The following ITPKC variants were observed in gnomAD, a reference collection of about 807,000 sequenced individuals.
The protein encoded by ITPKC is inositol-trisphosphate 3-kinase C.
Under a neutral mutation model 67.1 loss-of-function variants are expected in ITPKC, and 33 were observed. That is an observed-to-expected ratio of 0.49 (90% confidence interval 0.37 to 0.66). ITPKC has a LOEUF of 0.66. Ranked by LOEUF, ITPKC falls within the 30% of genes least tolerant of loss-of-function variation. The pLI is 0.00. For missense variants in ITPKC, 820 were observed against 892.1 expected (o/e 0.92, Z 1.03); for synonymous variants, 341 against 359.8 (o/e 0.95, Z 0.59).
intron 6 of ITPKC, among the ~76,000 whole-genome samples, chr19:40,738,999 C>T (rs2082308965): frequency 6.6e-6 from 1 of 152,208 alleles, no homozygotes; most frequent in Non-Finnish European, 1.5e-5. Context: ...CACGAGATTT[C>T]ATCACAGTAG....
chr19:40,734,200 T>A (rs1340742419), intron 4 of ITPKC, among the ~76,000 whole-genome samples: 2 of 152,206 alleles, frequency 1.3e-5, no homozygotes, highest in African/African-American at 2.4e-5. Flanking sequence ...GAAAGCTTCC[T>A]CTTTCTGTTT....
chr19:40,728,087 T>C (rs537514689), intron 2 of ITPKC, among the ~76,000 whole-genome samples: 1 of 152,154 alleles, frequency 6.6e-6, no homozygotes, highest in South Asian at 2.1e-4. Context: ...GTAGCCAACT[T>C]TGGAAAATGT....
At chr19:40,738,975 A>C (rs2082308683) in intron 6 of ITPKC, among the ~76,000 whole-genome samples, 1 of 152,182 alleles carries the variant, frequency 6.6e-6, no homozygotes, top group Non-Finnish European at 1.5e-5. Flanking sequence ...CCCAGGTGGG[A>C]CGAAGCGGGA....
At chr19:40,721,714 A>G (rs540407821) in intron 1 of ITPKC, among the ~76,000 whole-genome samples, 1 of 151,706 alleles carries the variant, frequency 6.6e-6, no homozygotes, top group South Asian at 2.1e-4. Flanking sequence ...GTTTATGATT[A>G]AGGGGCCAGG....
intron 4 of ITPKC, among the ~76,000 whole-genome samples, chr19:40,736,069 A>C (rs1325113312): frequency 6.6e-6 from 1 of 152,140 alleles, no homozygotes; most frequent in African/African-American, 2.4e-5. Context: ...AGGCGGGCGG[A>C]GCATGAGGTC....
intron 4 of ITPKC, among the ~76,000 whole-genome samples, chr19:40,736,611 T>C (rs1599656353): frequency 6.6e-6 from 1 of 152,092 alleles, no homozygotes; most frequent in African/African-American, 2.4e-5. Flanking sequence ...TTAAGCGATT[T>C]TCCTGCCTCA....
Position 40,717,269 on chromosome 19 carries a change from G to C in ITPKC, c.134G>C (p.Gly45Ala). The C allele has an allele frequency of 7.0e-7, 1 of 1,420,610 alleles. No homozygotes were observed. Among genetic ancestry groups the C allele is most frequent in the Non-Finnish European group, 9.1e-7 (1 of 1,093,346 alleles). 88.0% of individuals were successfully genotyped at this position (1,420,610 alleles called of 1,614,324 possible). A position where few individuals can be genotyped will look rare whatever the true frequency, so the allele number is the denominator to read the frequency against. Reference protein sequence around the residue: ...RQPGQQRPGPGAGAPAGRPEG... With the variant: ...RQPGQQRPGPAAGAPAGRPEG... The stretch of plus-strand genomic sequence containing the variant: ...CCGGGACAGCAGCGACCTGGGCCCG[G>C]CGCAGGGGCCCCGGCGGGGCGGCCG... Residue 45 changes from glycine (G) to alanine (A), a missense_variant, in exon 1 of 7, where the codon GGC becomes GCC. By Grantham distance (60) the Gly-to-Ala change is moderately conservative. Around this residue, in one of 2 missense-constraint regions of ITPKC, gnomAD observed 481 missense variants for 470.1 expected, o/e 1.02. Coordinates refer to ENST00000263370, the MANE Select transcript of ITPKC (RefSeq NM_025194.3).
chr19:40,739,609 G>A lies in ITPKC; in HGVS notation c.*49G>A, dbSNP rs911747765. The stretch of plus-strand genomic sequence containing the variant: ...ATTGGATGGCGCCAGTCTGGCTGGA[G>A]GAGCCCTGAGATGCCATGGGAGGCC... On this transcript the variant is annotated 3_prime_UTR_variant, in exon 7 of 7. Transcript: ENST00000263370. 6.5e-7 allele frequency: 1 copy of A among 1,540,234 alleles called. No homozygotes were observed. The highest frequency in any genetic ancestry group is 8.8e-7 in the Non-Finnish European group (1 of 1,131,990).
chr19:40,737,729 G>T lies in ITPKC; in HGVS notation c.1808G>T (p.Arg603Leu), dbSNP rs143402835. The T allele has an allele frequency of 6.2e-7, 1 of 1,614,150 alleles. No individual in the cohort carries two copies. The highest frequency in any genetic ancestry group is 2.2e-5 in the East Asian group (1 of 44,884). ...QKYVACLEEL[R>L]EALEISPFFK... ...TACGTGGCATGCCTAGAAGAACTTC[G>T]TGAAGCTCTGGAGATCTCCCCCTTC... Residue 603 changes from arginine to leucine, a missense_variant, in exon 6 of 7, where the codon CGT becomes CTT. Arg to Leu is a moderately radical substitution (Grantham distance 102, BLOSUM62 -2). Coordinates refer to ENST00000263370, the MANE Select transcript of ITPKC (RefSeq NM_025194.3).
At chr19:40,739,328 C>A (rs2082311853) in intron 6 of ITPKC, 29 bp from the exon 7 acceptor site, 1 of 1,588,844 alleles carries the variant, frequency 6.3e-7, no homozygotes, top group Non-Finnish European at 8.6e-7. Context: ...GCCTGCTCCT[C>A]CCTTAACCTC....
chr19:40,720,598 G>T (rs1279998560), intron 1 of ITPKC, among the ~76,000 whole-genome samples: 1 of 151,824 alleles, frequency 6.6e-6, no homozygotes, highest in Non-Finnish European at 1.5e-5. Context: ...CTGCCTCCAT[G>T]GCCCAGCTTT....
Position 40,729,058 on chromosome 19 carries a change from A to T in ITPKC, c.1256-144A>T, listed in dbSNP as rs1051281206. ...AATAAAATAAAATCTTAAAATCATT[A>T]AAAAAAAAGTTGCAGGGAGAGAAAG... On this transcript the variant is annotated intron_variant, in intron 2 of 6. Coordinates refer to ENST00000263370, the MANE Select transcript of ITPKC (RefSeq NM_025194.3). 8 of 571,654 alleles carry T rather than the reference A, an allele frequency of 1.4e-5. No individual in the cohort carries two copies. The East Asian group carries it at 1.6e-4, about 11-fold the overall frequency. The allele number at this position is 571,654 out of a possible 1,614,324, so 35.4% of individuals were successfully genotyped here.
intron 1 of ITPKC, among the ~76,000 whole-genome samples, chr19:40,718,530 C>T (rs1329254851): frequency 6.6e-6 from 1 of 152,110 alleles, no homozygotes; most frequent in African/African-American, 2.4e-5. Context: ...TGGGGGTCTA[C>T]AATGGAGGGC....
chr19:40,721,065 A>C (rs530404813), intron 1 of ITPKC, among the ~76,000 whole-genome samples: 8 of 151,488 alleles, frequency 5.3e-5, no homozygotes, highest in African/African-American at 1.9e-4. Flanking sequence ...GTGCTATCCT[A>C]TTCTTCTAAT....
At chr19:40,732,859 C>G (rs752180380) in intron 3 of ITPKC, among the ~76,000 whole-genome samples, 1 of 152,204 alleles carries the variant, frequency 6.6e-6, no homozygotes, top group African/African-American at 2.4e-5. Context: ...ATATTTAGAC[C>G]TACATTCCAG....
chr19:40,719,545 A>G (rs2082211651), intron 1 of ITPKC, among the ~76,000 whole-genome samples: 1 of 151,100 alleles, frequency 6.6e-6, no homozygotes. Context: ...GCTGGAGTGC[A>G]GTGGTGCCAT....
At chr19:40,721,365 T>A (rs1482930572) in intron 1 of ITPKC, among the ~76,000 whole-genome samples, 1 of 151,048 alleles carries the variant, frequency 6.6e-6, no homozygotes, top group East Asian at 1.9e-4. Context: ...GATCTAACTT[T>A]TTTTTTTTTT....
At chr19:40,730,543 C>T (rs1188102452) in intron 3 of ITPKC, among the ~76,000 whole-genome samples, 1 of 152,144 alleles carries the variant, frequency 6.6e-6, no homozygotes, top group South Asian at 2.1e-4. Flanking sequence ...GCGGTCCTTT[C>T]ACCTTAGCCT....
chr19:40,728,686 C>A (rs1202493835), intron 2 of ITPKC, among the ~76,000 whole-genome samples: 1 of 152,162 alleles, frequency 6.6e-6, no homozygotes, highest in Non-Finnish European at 1.5e-5. Context: ...GTTTAAGCAA[C>A]AGAGAACAGA....
Sources: gnomAD v4.1 joint callset for allele counts (sites outside exome capture counted in the v4.1 genomes callset) on GRCh38, gnomAD v4.1.1 for gene constraint, gnomAD v4.1.1 regional missense constraint, MANE v1.5 for transcripts, NCBI Gene and HGNC (gene_info 2026-07-23, HGNC 2026-07-21) for gene names.